TIAM1: variants seen among roughly 807,000 people sequenced by gnomAD.
The protein encoded by TIAM1 is rho guanine nucleotide exchange factor TIAM1.
A neutral mutation model predicts 163.5 loss-of-function variants in TIAM1; 65 were observed. The observed-to-expected ratio is 0.40, with a 90% CI of 0.33 to 0.49. TIAM1 has a LOEUF of 0.49. TIAM1 is among the 20% of genes least tolerant of loss of function. TIAM1 has a pLI of 0.77. For missense variants in TIAM1, 1,789 were observed against 2,044.7 expected, an observed-to-expected ratio of 0.87 and a Z score of 2.41; for synonymous variants, 833 against 810.1, an observed-to-expected ratio of 1.03 and a Z score of -0.48.
At chr21:31,526,010 G>A (rs1036457969) in intron 1 of TIAM1, among the ~76,000 whole-genome samples, 6 of 149,932 alleles carry the variant, frequency 4.0e-5, no homozygotes, top group Admixed American at 3.3e-4. Flanking sequence ...CTCAAGCCTG[G>A]GTGGCAGAGC....
At chr21:31,417,191 T>C (rs2043403221) in intron 2 of TIAM1, among the ~76,000 whole-genome samples, 1 of 152,142 alleles carries the variant, frequency 6.6e-6, no homozygotes, top group South Asian at 2.1e-4. Context: ...TCTGGCTAAT[T>C]TTTTGTATTT....
intron 8 of TIAM1, among the ~76,000 whole-genome samples, chr21:31,219,062 C>T (rs1438071580): frequency 2.4e-5 from 3 of 123,408 alleles, no homozygotes; most frequent in Admixed American, 1.1e-4. Flanking sequence ...GACGGAGTCT[C>T]GCTCTGTCAC....
chr21:31,264,652 TTTTC>T (rs1420557108), intron 4 of TIAM1, among the ~76,000 whole-genome samples: 2 of 152,124 alleles, frequency 1.3e-5, no homozygotes, highest in Non-Finnish European at 2.9e-5. Flanking sequence ...CTAATGCCGA[TTTTC>T]TTTTTCTCGG....
At chr21:31,493,925 TA>T (rs66591105) in intron 1 of TIAM1, among the ~76,000 whole-genome samples, 43,586 of 151,090 alleles carry the variant, frequency 0.29, 7,406 homozygotes, top group African/African-American at 0.48. Flanking sequence ...ATTTCTTTTT[TA>T]AAAAAAAAGA....
intron 6 of TIAM1, among the ~76,000 whole-genome samples, chr21:31,229,825 G>C (rs1392558688): frequency 6.6e-6 from 1 of 152,090 alleles, no homozygotes; most frequent in Non-Finnish European, 1.5e-5. Context: ...GCTAATTTTT[G>C]TACTTTTAGT....
intron 2 of TIAM1, among the ~76,000 whole-genome samples, chr21:31,304,611 TAA>T (rs2074625412): frequency 6.6e-6 from 1 of 152,216 alleles, no homozygotes; most frequent in Non-Finnish European, 1.5e-5. Context: ...GAAAATTCAA[TAA>T]GACAAAAAGA....
intron 2 of TIAM1, among the ~76,000 whole-genome samples, chr21:31,449,581 T>TTG (rs2044750482): frequency 6.6e-6 from 1 of 152,086 alleles, no homozygotes; most frequent in African/African-American, 2.4e-5. Flanking sequence ...TTTCACCATG[T>TTG]TGGTCAGGCT....
At chr21:31,349,834 C>G (rs1359735386) in intron 2 of TIAM1, among the ~76,000 whole-genome samples, 1 of 152,190 alleles carries the variant, frequency 6.6e-6, no homozygotes, top group African/African-American at 2.4e-5. Flanking sequence ...GCAAGTCCCT[C>G]TGCCTACCCT....
intron 2 of TIAM1, among the ~76,000 whole-genome samples, chr21:31,315,297 G>A (rs1264920264): frequency 2.0e-5 from 3 of 151,992 alleles, no homozygotes; most frequent in Non-Finnish European, 4.4e-5. Flanking sequence ...GGCAGATCAC[G>A]AGGTCAGGAG....
intron 2 of TIAM1, among the ~76,000 whole-genome samples, chr21:31,316,190 T>A (rs1374983306): frequency 6.6e-6 from 1 of 152,190 alleles, no homozygotes; most frequent in Non-Finnish European, 1.5e-5. Flanking sequence ...TGTTCTAGTA[T>A]AATTACACTA....
chr21:31,142,463 C>CAAA (rs34368848), intron 20 of TIAM1, among the ~76,000 whole-genome samples: 68 of 49,910 alleles, frequency 1.4e-3, no homozygotes, highest in East Asian at 2.3e-3. Flanking sequence ...ACTAAAAATA[C>CAAA]AAAAAAAAAA....
intron 8 of TIAM1, among the ~76,000 whole-genome samples, chr21:31,221,790 AAAG>A (rs1399509698): frequency 2.0e-5 from 3 of 152,228 alleles, no homozygotes; most frequent in Non-Finnish European, 4.4e-5. Flanking sequence ...ACAAGGAGAT[AAAG>A]AAGAATTTCT....
intron 1 of TIAM1, among the ~76,000 whole-genome samples, chr21:31,552,777 G>C (rs1176424101): frequency 6.6e-6 from 1 of 151,650 alleles, no homozygotes; most frequent in Non-Finnish European, 1.5e-5. Context: ...TCTCCAAAAA[G>C]AAAAAAAGAG....
At chr21:31,366,085 C>CAAAA (rs869163144) in intron 2 of TIAM1, among the ~76,000 whole-genome samples, 7 of 69,534 alleles carry the variant, frequency 1.0e-4, no homozygotes, top group African/African-American at 2.9e-4. Flanking sequence ...GACTCTGTCT[C>CAAAA]AAAAAAAAAA....
At chr21:31,230,441 G>A (rs900410642) in intron 6 of TIAM1, among the ~76,000 whole-genome samples, 1 of 150,986 alleles carries the variant, frequency 6.6e-6, no homozygotes, top group African/African-American at 2.4e-5. Flanking sequence ...TTTTTTCCTT[G>A]TTTAATATGA....
rs372248845 is a variant in TIAM1 at position 31,492,011 on chromosome 21, A to G, written c.-421-27976T>C. Among the ~76,000 whole-genome samples, 210 of 152,338 alleles carry G rather than the reference A, an allele frequency of 1.4e-3. No individual in the cohort carries two copies. In the Middle Eastern group the frequency reaches 0.044, roughly 32 times the overall value. Reference sequence around the variant, plus strand: ...ATTCTTCAAGAACTAACTTCCTGAGACTACATAAGCATTAAAAATAATTAC... The same window carrying G: ...ATTCTTCAAGAACTAACTTCCTGAGGCTACATAAGCATTAAAAATAATTAC... On this transcript the variant is annotated intron_variant, in intron 1 of 28. Coordinates refer to the TIAM1 transcript ENST00000286827.
intron 14 of TIAM1, among the ~76,000 whole-genome samples, chr21:31,183,572 A>G (rs1030024762): frequency 2.0e-5 from 3 of 152,226 alleles, no homozygotes; most frequent in Admixed American, 1.3e-4. Context: ...GAAGCCTCCC[A>G]GGCCCTCGGG....
chr21:31,479,514 T>C (rs1004659854), intron 1 of TIAM1, among the ~76,000 whole-genome samples: 1 of 152,020 alleles, frequency 6.6e-6, no homozygotes, highest in Non-Finnish European at 1.5e-5. Flanking sequence ...TGGAGTGGGA[T>C]TGTATAGGCT....
At chr21:31,401,826 G>A (rs1170991477) in intron 2 of TIAM1, among the ~76,000 whole-genome samples, 1 of 151,800 alleles carries the variant, frequency 6.6e-6, no homozygotes, top group Admixed American at 6.6e-5. Flanking sequence ...CAAGAGGATT[G>A]CTTGAACCCA....
Sources: allele counts gnomAD v4.1 joint callset (sites outside exome capture counted in the v4.1 genomes callset), GRCh38; gene constraint gnomAD v4.1.1; transcripts MANE v1.5; gene names NCBI Gene and HGNC (gene_info 2026-07-23, HGNC 2026-07-21).